The following JADE3 variants were observed in gnomAD, a reference collection of about 807,000 sequenced individuals.
The protein encoded by JADE3 is jade family PHD finger 3.
JADE3 carries 2 observed loss-of-function variants against 50.1 expected under a neutral mutation model. The ratio of observed to expected loss-of-function variants is 0.04; its 90% CI spans 0.02 to 0.13. The LOEUF is 0.13. JADE3 is among the 10% of genes least tolerant of loss of function. The pLI is 1.00. For missense variants in JADE3, 475 were observed against 634.4 expected, an observed-to-expected ratio of 0.75 and a Z score of 2.70; for synonymous variants, 218 against 232.9, an observed-to-expected ratio of 0.94 and a Z score of 0.58.
At chrX:46,922,457 T>C (rs1926243330) in intron 1 of JADE3, among the ~76,000 whole-genome samples, 1 of 111,325 alleles carries the variant, frequency 9.0e-6, no homozygotes, top group Admixed American at 9.6e-5. Flanking sequence ...TTGTTCTTTT[T>C]TTTTTCTCTT....
At chrX:46,998,453 C>A (rs1928190740) in intron 4 of JADE3, among the ~76,000 whole-genome samples, 176 bp downstream of exon 4, 1 of 109,761 alleles carries the variant, frequency 9.1e-6, no homozygotes, top group Non-Finnish European at 1.9e-5. Flanking sequence ...GCAATAAAGT[C>A]AGGCTCATGT....
At chrX:46,988,962 C>A (rs1288600862) in intron 3 of JADE3, among the ~76,000 whole-genome samples, 2 of 112,339 alleles carry the variant, frequency 1.8e-5, no homozygotes, top group African/African-American at 6.5e-5. Flanking sequence ...GCCTCAGCCT[C>A]CCAAGTAGCT....
intron 9 of JADE3, 57 bp downstream of exon 9, chrX:47,054,685 C>A: frequency 2.8e-6 from 2 of 725,552 alleles, no homozygotes; most frequent in South Asian, 2.8e-5. Flanking sequence ...AAATGGAGGT[C>A]CCACTTCTGG....
intron 1 of JADE3, among the ~76,000 whole-genome samples, chrX:46,934,656 A>C (rs1556340544): frequency 1.9e-5 from 2 of 107,148 alleles, no homozygotes; most frequent in Admixed American, 2.0e-4. Context: ...GCTGGTCTCC[A>C]ACTCCTGATC....
rs1189721289 is a variant in JADE3 at position 47,059,994 on chromosome X, T to C, written c.*917T>C. On this transcript the variant is annotated 3_prime_UTR_variant, in exon 11 of 11. Coordinates refer to ENST00000614628, the MANE Select transcript of JADE3 (RefSeq NM_014735.5). ...TTTTTATTGAGGTATAATTAAAATA[T>C]AGTAAAATGCACAGAGGTTAAGTAT... The C allele has an allele frequency of 8.9e-6, 1 of 112,582 alleles. No homozygotes were observed. Among genetic ancestry groups the C allele is most frequent in the Non-Finnish European group, 1.9e-5 (1 of 53,297 alleles). 9.3% of individuals were successfully genotyped at this position (112,582 alleles called of 1,213,427 possible).
At chrX:46,928,643 G>A (rs1231917829) in intron 1 of JADE3, among the ~76,000 whole-genome samples, 1 of 112,168 alleles carries the variant, frequency 8.9e-6, no homozygotes, top group African/African-American at 3.2e-5. Flanking sequence ...GAGTACAGTG[G>A]TGCTATCATA....
chrX:46,957,562 T>TAA (rs782544303), intron 1 of JADE3, among the ~76,000 whole-genome samples: 3 of 112,217 alleles, frequency 2.7e-5, no homozygotes, highest in African/African-American at 9.7e-5. Context: ...TTTTAAGAGC[T>TAA]AATATGAGAT....
chrX:46,923,389 CTCTCTTTTTTTTTT>C (rs1162717179), intron 1 of JADE3, among the ~76,000 whole-genome samples: 34 of 24,190 alleles, frequency 1.4e-3, no homozygotes, highest in African/African-American at 2.6e-3. Context: ...CTCTCTCTCT[CTCTCTTTTTTTTTT>C]TTTTTTTTTT....
chrX:46,912,453 G>C lies in JADE3; in HGVS notation c.-278G>C, dbSNP rs1374584978. On this transcript the variant is annotated 5_prime_UTR_variant, in exon 1 of 11. Transcript: ENST00000614628. ...CAGGAATACAATAGTGCTCCGCGCC[G>C]CCTCAGCCGCCGCCGCCGCCCAACC... 2 of 112,161 alleles carry C rather than the reference G, an allele frequency of 1.8e-5. No individual in the cohort carries two copies. The highest frequency in any genetic ancestry group is 3.2e-5 in the African/African-American group (1 of 30,944). 9.2% of individuals were successfully genotyped at this position (112,161 alleles called of 1,213,427 possible).
intron 7 of JADE3, 74 bp from the exon 8 acceptor site, chrX:47,038,875 A>T (rs1310953244): frequency 3.7e-6 from 2 of 536,077 alleles, no homozygotes; most frequent in Admixed American, 5.5e-5. Context: ...TTTATGTAAC[A>T]TCGTTTATGG....
At chrX:47,046,037 C>G (rs1556370594) in intron 8 of JADE3, among the ~76,000 whole-genome samples, 1 of 109,756 alleles carries the variant, frequency 9.1e-6, no homozygotes, top group East Asian at 2.8e-4. Context: ...ATATAAAGAT[C>G]AGAGCAGAAA....
At chrX:46,994,441 G>A (rs1183814082) in intron 3 of JADE3, among the ~76,000 whole-genome samples, 3 of 112,160 alleles carry the variant, frequency 2.7e-5, no homozygotes, top group Non-Finnish European at 5.6e-5. Flanking sequence ...AACTACCAGT[G>A]CATATAAAAT....
chrX:46,993,892 G>T (rs1797531999), intron 3 of JADE3, among the ~76,000 whole-genome samples: 1 of 111,707 alleles, frequency 9.0e-6, no homozygotes, highest in Non-Finnish European at 1.9e-5. Flanking sequence ...CCTAAAGATT[G>T]TATAATTATA....
chrX:47,000,525 G>A (rs1556358769), intron 4 of JADE3, among the ~76,000 whole-genome samples: 1 of 111,398 alleles, frequency 9.0e-6, no homozygotes, highest in Admixed American at 9.6e-5. Flanking sequence ...CAAGAATGGA[G>A]CAACAGTTTA....
chrX:46,970,904 A>G (rs782229818), intron 1 of JADE3, among the ~76,000 whole-genome samples: 1 of 111,464 alleles, frequency 9.0e-6, no homozygotes, highest in Non-Finnish European at 1.9e-5. Context: ...AGATAAAACA[A>G]TGGGAAATCG....
rs181390633 is a variant in JADE3, at chrX:46,915,150, G to T, written c.-12+2431G>T. On this transcript the variant is annotated intron_variant, in intron 1 of 10. Coordinates refer to ENST00000614628, the MANE Select transcript of JADE3 (RefSeq NM_014735.5). ...ACTAGGCAAGTATTTTGGAAGAGGT[G>T]GGGGAGGTAGGAGGCATCAGGTGCT... Among the ~76,000 whole-genome samples, 764 of 111,506 alleles carry T rather than the reference G, an allele frequency of 6.9e-3. 6 individuals are homozygous for T. The highest frequency in any genetic ancestry group is 0.012 in the Admixed American group (124 of 10,538).
In JADE3 at chrX:46,999,844, G is replaced by A. The variant is rs181371459; in HGVS notation, c.284+1567G>A. ...CACAAAGGTTGGCATTAAACAAAAT[G>A]CTGAGTAAAAGTTTGAGTGAATGAA... On this transcript the variant is annotated intron_variant, in intron 4 of 10. Transcript: ENST00000614628. Among the ~76,000 whole-genome samples the A allele has an allele frequency of 3.3e-3, 368 of 111,414 alleles. 1 individual carries two copies. Among genetic ancestry groups the A allele is most frequent in the African/African-American group, 0.011 (352 of 30,667 alleles).
chrX:47,021,793 T>C (rs1172077838), intron 4 of JADE3, among the ~76,000 whole-genome samples: 1 of 112,338 alleles, frequency 8.9e-6, no homozygotes, highest in East Asian at 2.8e-4. Context: ...GGGTTGTCTT[T>C]TTCTAATTAA....
At chrX:47,040,042 G>T (rs1929223239) in intron 8 of JADE3, among the ~76,000 whole-genome samples, 1 of 111,990 alleles carries the variant, frequency 8.9e-6, no homozygotes, top group Admixed American at 9.5e-5. Flanking sequence ...GGAAGGGCCA[G>T]TTACCTCCAG....
Sources: gnomAD v4.1 joint callset for allele counts (sites outside exome capture counted in the v4.1 genomes callset) on GRCh38, gnomAD v4.1.1 for gene constraint, MANE v1.5 for transcripts, NCBI Gene and HGNC (gene_info 2026-07-23, HGNC 2026-07-21) for gene names.